The following GRID2 variants were observed in gnomAD, a reference collection of about 807,000 sequenced individuals.
GRID2 encodes glutamate ionotropic receptor delta type subunit 2.
In GRID2, 33 loss-of-function variants were observed where a neutral mutation model predicts 114.8. The observed-to-expected ratio is 0.29, with a 90% confidence interval of 0.22 to 0.38. GRID2 has a LOEUF of 0.38. GRID2 is among the 10% of genes least tolerant of loss of function. The pLI is 1.00. For missense variants in GRID2, 1,184 were observed against 1,257.7 expected (o/e 0.94, Z 0.89); for synonymous variants, 505 against 449.9 (o/e 1.12, Z -1.55).
intron 1 of GRID2, among the ~76,000 whole-genome samples, chr4:92,522,108 G>A (rs1724812584): frequency 6.6e-6 from 1 of 151,802 alleles, no homozygotes; most frequent in Admixed American, 6.6e-5. Context: ...TTAAGGAGGA[G>A]CATAGGAGTA....
intron 9 of GRID2, among the ~76,000 whole-genome samples, chr4:93,400,266 A>G (rs1446875048): frequency 6.6e-6 from 1 of 152,150 alleles, no homozygotes; most frequent in Non-Finnish European, 1.5e-5. Flanking sequence ...CTTCATATAT[A>G]GATTTCTTTG....
intron 4 of GRID2, among the ~76,000 whole-genome samples, chr4:93,138,654 T>C (rs1009759570): frequency 4.6e-5 from 7 of 152,214 alleles, no homozygotes; most frequent in African/African-American, 1.7e-4. Context: ...CCTTTTCTCA[T>C]GCCTCACACA....
At chr4:93,306,342 C>T (rs1755418550) in intron 8 of GRID2, 3 of 152,314 alleles carry the variant, frequency 2.0e-5, no homozygotes, top group South Asian at 4.1e-4. Context: ...TCATTTCATT[C>T]GTCTCAGAAG....
chr4:92,634,597 A>G (rs1261469444), intron 2 of GRID2, among the ~76,000 whole-genome samples: 1 of 152,176 alleles, frequency 6.6e-6, no homozygotes, highest in Admixed American at 6.6e-5. Flanking sequence ...ATTCTAAATC[A>G]TTACTTAAAT....
intron 1 of GRID2, among the ~76,000 whole-genome samples, chr4:92,481,981 GATATATATATATATAT>G (rs35103752): frequency 0.04 from 1,856 of 46,946 alleles, 51 homozygotes; most frequent in Middle Eastern, 0.083. Context: ...AATAAAATGT[GATATATATATATATAT>G]ATATATATAT....
intron 1 of GRID2, among the ~76,000 whole-genome samples, chr4:92,388,131 A>G (rs548956698): frequency 1.3e-5 from 2 of 151,984 alleles, no homozygotes; most frequent in African/African-American, 2.4e-5. Flanking sequence ...CTGCTAGAGA[A>G]CTCTAAAAGG....
At chr4:92,343,207 G>GT (rs1262298114) in intron 1 of GRID2, among the ~76,000 whole-genome samples, 6 of 149,912 alleles carry the variant, frequency 4.0e-5, no homozygotes, top group Non-Finnish European at 8.9e-5. Flanking sequence ...TTCTCTGTGT[G>GT]TTTTTTTGCA....
intron 12 of GRID2, among the ~76,000 whole-genome samples, chr4:93,496,687 C>G (rs1391895599): frequency 6.6e-6 from 1 of 151,726 alleles, no homozygotes; most frequent in Non-Finnish European, 1.5e-5. Flanking sequence ...TGAGATCTAT[C>G]CAAGTTGTTG....
chr4:93,475,800 A>C (rs117669954), intron 11 of GRID2, among the ~76,000 whole-genome samples: 1,854 of 152,190 alleles, frequency 0.012, 14 homozygotes, highest in South Asian at 0.034. Flanking sequence ...ATCTCTGAAA[A>C]ATGGGGTTGC....
chr4:92,406,558 CT>C (rs1467233395), intron 1 of GRID2, among the ~76,000 whole-genome samples: 3 of 151,872 alleles, frequency 2.0e-5, no homozygotes, highest in African/African-American at 7.3e-5. Context: ...AAAATGTCAA[CT>C]TTTATTATAG....
At chr4:92,645,090 A>T (rs1731544885) in intron 2 of GRID2, among the ~76,000 whole-genome samples, 1 of 151,616 alleles carries the variant, frequency 6.6e-6, no homozygotes. Flanking sequence ...ATATTCAAAC[A>T]TTTCATTAGT....
intron 1 of GRID2, among the ~76,000 whole-genome samples, chr4:92,395,925 C>T (rs1730471164): frequency 3.3e-5 from 5 of 151,822 alleles, no homozygotes. Flanking sequence ...ACATTTTGTA[C>T]TTAGTACTTG....
chr4:93,654,114 C>A (rs1033442450), intron 14 of GRID2, among the ~76,000 whole-genome samples: 3 of 152,086 alleles, frequency 2.0e-5, no homozygotes, highest in Admixed American at 6.6e-5. Context: ...AGTGGCCAGC[C>A]TTTTCATATC....
intron 2 of GRID2, among the ~76,000 whole-genome samples, chr4:92,946,703 CAG>C (rs1751660913): frequency 6.6e-6 from 1 of 152,084 alleles, no homozygotes; most frequent in South Asian, 2.1e-4. Context: ...ATCAGATGGA[CAG>C]AAAGTCTCAC....
intron 2 of GRID2, among the ~76,000 whole-genome samples, chr4:92,635,945 G>A (rs1731045086): frequency 6.6e-6 from 1 of 151,878 alleles, no homozygotes; most frequent in South Asian, 2.1e-4. Context: ...TCTGTTTTCT[G>A]AAAAAAATGG....
At chr4:92,653,323 G>GCACA (rs1732064916) in intron 2 of GRID2, among the ~76,000 whole-genome samples, 1 of 131,784 alleles carries the variant, frequency 7.6e-6, no homozygotes, top group Non-Finnish European at 1.7e-5. Context: ...ACACACACAT[G>GCACA]TGTCTGTGTG....
intron 10 of GRID2, among the ~76,000 whole-genome samples, chr4:93,427,482 C>T (rs1204828519): frequency 6.6e-6 from 1 of 151,766 alleles, no homozygotes; most frequent in Non-Finnish European, 1.5e-5. Flanking sequence ...AAGGGGCTAC[C>T]AAACTTAAAA....
At chr4:92,571,288 G>A (rs1473875099) in intron 1 of GRID2, among the ~76,000 whole-genome samples, 1 of 151,956 alleles carries the variant, frequency 6.6e-6, no homozygotes, top group Non-Finnish European at 1.5e-5. Context: ...GACAAAGAAG[G>A]CCATTACATA....
chr4:93,592,484 G>T (rs1738480329), intron 13 of GRID2, among the ~76,000 whole-genome samples: 1 of 152,040 alleles, frequency 6.6e-6, no homozygotes, highest in African/African-American at 2.4e-5. Flanking sequence ...CAAGTATGTG[G>T]TCAATTTTGG....
Sources: gnomAD v4.1 joint callset for allele counts (sites outside exome capture counted in the v4.1 genomes callset) on GRCh38, gnomAD v4.1.1 for gene constraint, MANE v1.5 for transcripts, NCBI Gene and HGNC (gene_info 2026-07-23, HGNC 2026-07-21) for gene names.